Variants in MAP4 observed in about 807,000 individuals in gnomAD.
MAP4 encodes microtubule associated protein 4, also known as microtubule-associated protein 4.
In MAP4, 76 loss-of-function variants were observed where a neutral mutation model predicts 170.2. The observed-to-expected ratio is 0.45, with a 90% CI of 0.37 to 0.54. The LOEUF is 0.54. Ranked by LOEUF, MAP4 falls within the 20% of genes least tolerant of loss-of-function variation. MAP4 has a pLI of 0.00. For synonymous variants in MAP4, 909 were observed against 994.5 expected, an observed-to-expected ratio of 0.91 and a Z score of 1.62; for missense variants, 2,506 against 2,748.0, an observed-to-expected ratio of 0.91 and a Z score of 1.97.
At chr3:48,009,125 G>C (rs1399376542) in intron 1 of MAP4, among the ~76,000 whole-genome samples, 1 of 152,072 alleles carries the variant, frequency 6.6e-6, no homozygotes, top group Non-Finnish European at 1.5e-5. Flanking sequence ...TTTTGAGAAG[G>C]GGTCTCACTC....
At chr3:47,926,654 C>T (rs964179785) in intron 4 of MAP4, among the ~76,000 whole-genome samples, 24 of 152,160 alleles carry the variant, frequency 1.6e-4, no homozygotes, top group African/African-American at 5.8e-4. Flanking sequence ...CCCACCCCAG[C>T]CTCCCGAGTA....
intron 10 of MAP4, among the ~76,000 whole-genome samples, chr3:47,883,472 G>A (rs1278057800): frequency 1.3e-5 from 2 of 152,022 alleles, no homozygotes; most frequent in Non-Finnish European, 2.9e-5. Flanking sequence ...TGATCCACCC[G>A]CCTTGGCCTC....
chr3:47,891,535 G>T, intron 10 of MAP4: 12 of 1,522,946 alleles, frequency 7.9e-6, no homozygotes, highest in Non-Finnish European at 1.1e-5. Context: ...GGAGTTCAGG[G>T]TACTTATCTG....
At chr3:48,005,610 G>C (rs890766421) in intron 1 of MAP4, among the ~76,000 whole-genome samples, 20 of 152,286 alleles carry the variant, frequency 1.3e-4, no homozygotes, top group Non-Finnish European at 2.2e-4. Flanking sequence ...CACTGTGAGG[G>C]AGCTGGAAAT....
At chr3:48,079,294 C>T (rs1401935228) in intron 1 of MAP4, among the ~76,000 whole-genome samples, 1 of 151,914 alleles carries the variant, frequency 6.6e-6, no homozygotes, top group East Asian at 1.9e-4. Flanking sequence ...CCAAAAAATC[C>T]AAAATATGAA....
intron 1 of MAP4, among the ~76,000 whole-genome samples, chr3:48,059,187 A>T (rs2154556655): frequency 6.6e-6 from 1 of 152,310 alleles, no homozygotes; most frequent in East Asian, 1.9e-4. Context: ...CAGAATTAAC[A>T]GCCAAAACTA....
At chr3:48,035,971 G>A (rs976432730) in intron 1 of MAP4, among the ~76,000 whole-genome samples, 2 of 151,962 alleles carry the variant, frequency 1.3e-5, no homozygotes, top group African/African-American at 4.8e-5. Context: ...AGTTATTGCA[G>A]ACTTATATTC....
chr3:47,992,910 A>C (rs2154351213), intron 2 of MAP4, among the ~76,000 whole-genome samples: 1 of 152,064 alleles, frequency 6.6e-6, no homozygotes, highest in East Asian at 1.9e-4. Flanking sequence ...TCTTAAAAAA[A>C]AAAAAAAAAA....
chr3:48,027,363 A>G (rs1247181986), intron 1 of MAP4, among the ~76,000 whole-genome samples: 3 of 152,008 alleles, frequency 2.0e-5, no homozygotes, highest in Non-Finnish European at 4.4e-5. Context: ...ACATCTCCCA[A>G]CTCCCACCAA....
intron 19 of MAP4, among the ~76,000 whole-genome samples, chr3:47,854,339 C>A (rs1576579729): frequency 1.3e-5 from 2 of 152,154 alleles, no homozygotes; most frequent in East Asian, 3.9e-4. Context: ...GCAGCAAGGA[C>A]CCCCCCAGAT....
upstream of MAP4, among the ~76,000 whole-genome samples, chr3:48,018,411 T>C (rs1437908657): frequency 1.3e-5 from 2 of 152,140 alleles, no homozygotes; most frequent in African/African-American, 2.4e-5. Context: ...TGAATCTAAT[T>C]TGAAATTAAT....
At chr3:47,893,687 T>C (rs1271904416) in intron 10 of MAP4, among the ~76,000 whole-genome samples, 3 of 152,164 alleles carry the variant, frequency 2.0e-5, no homozygotes, top group African/African-American at 4.8e-5. Flanking sequence ...TGCAATAACA[T>C]AGCATACTGG....
At chr3:47,935,952 A>G (rs2100052532) in intron 3 of MAP4, among the ~76,000 whole-genome samples, 1 of 151,370 alleles carries the variant, frequency 6.6e-6, no homozygotes, top group African/African-American at 2.4e-5. Flanking sequence ...AAAAAAAAAA[A>G]AAAAATATTA....
At chr3:48,066,524 C>T (rs932176456) in intron 1 of MAP4, among the ~76,000 whole-genome samples, 2 of 152,070 alleles carry the variant, frequency 1.3e-5, no homozygotes, top group African/African-American at 4.8e-5. Context: ...GACACAGTTT[C>T]ACTCTGCCTC....
At chr3:47,976,414 C>T (rs2100082205) in intron 3 of MAP4, among the ~76,000 whole-genome samples, 1 of 152,152 alleles carries the variant, frequency 6.6e-6, no homozygotes, top group Non-Finnish European at 1.5e-5. Flanking sequence ...TAGTTGTTTC[C>T]TTCCTGGATG....
intron 4 of MAP4, 82 bp downstream of exon 4, chr3:47,928,146 T>C: frequency 6.4e-7 from 1 of 1,554,596 alleles, no homozygotes; most frequent in Non-Finnish European, 8.8e-7. Context: ...AGCTAAAGCA[T>C]TTTCATCTGA....
rs746492427 is a variant in MAP4 at position 47,912,204 on chromosome 3, T to C, written c.2217A>G (p.Gln739=). The C allele has an allele frequency of 1.3e-6, 2 of 1,536,044 alleles. No individual in the cohort carries two copies. Among genetic ancestry groups the C allele is most frequent in the Admixed American group, 3.9e-5 (2 of 50,982 alleles). The change falls in exon 9 of 21, where the codon CAA becomes CAG. Residue 739 remains glutamine, a synonymous_variant. Coordinates refer to ENST00000683076, the MANE Select transcript of MAP4 (RefSeq NM_001385682.1). ...GTGAGTCAACATGAATACTTTTTCT[T>C]TGGTTCCCAGGCCCACCACAGGAGG... is the stretch of plus-strand genomic sequence containing the variant. ...GSSSCGGPGN[Q]RKSIHVDSLE...
intron 8 of MAP4, among the ~76,000 whole-genome samples, chr3:47,913,111 T>C (rs537117854): frequency 6.6e-6 from 1 of 152,288 alleles, no homozygotes; most frequent in African/African-American, 2.4e-5. Context: ...GACAGAGAAA[T>C]ATATATAATG....
At chr3:47,883,836 G>A (rs941723785) in intron 10 of MAP4, among the ~76,000 whole-genome samples, 2 of 151,878 alleles carry the variant, frequency 1.3e-5, no homozygotes, top group African/African-American at 4.8e-5. Flanking sequence ...TCATTTAAAT[G>A]CTGTTTCCTC....
Sources: gnomAD v4.1 joint callset for allele counts (sites outside exome capture counted in the v4.1 genomes callset) on GRCh38, gnomAD v4.1.1 for gene constraint, MANE v1.5 for transcripts, NCBI Gene and HGNC (gene_info 2026-07-23, HGNC 2026-07-21) for gene names.